ACSL6: variants seen among roughly 807,000 people sequenced by gnomAD.
ACSL6 encodes long-chain-fatty-acid--CoA ligase 6.
Under a neutral mutation model 98.2 loss-of-function variants are expected in ACSL6, and 47 were observed. The observed-to-expected ratio is 0.48, with a 90% CI of 0.38 to 0.61. ACSL6 has a LOEUF of 0.61. Among genes scored for constraint, ACSL6 ranks in the 20% least tolerant of loss-of-function variants. ACSL6 has a pLI of 0.00. For synonymous variants in ACSL6, 362 were observed against 336.9 expected (o/e 1.07, Z -0.82); for missense variants, 761 against 913.4 (o/e 0.83, Z 2.15).
At chr5:131,958,608 C>A (rs1752541863) in intron 20 of ACSL6, among the ~76,000 whole-genome samples, 1 of 151,820 alleles carries the variant, frequency 6.6e-6, no homozygotes, top group Non-Finnish European at 1.5e-5. Flanking sequence ...ATTTTTAGAC[C>A]CTGAAACTAT....
At chr5:131,969,239 A>T (rs1270037113) in intron 15 of ACSL6, among the ~76,000 whole-genome samples, 1 of 152,260 alleles carries the variant, frequency 6.6e-6, no homozygotes, top group African/African-American at 2.4e-5. Context: ...GTTTAATGCA[A>T]TATTATTTTC....
In ACSL6 at chr5:131,960,719, A is replaced by G. The variant is rs574382402; in HGVS notation, c.1858-98T>C. ...AAATTCTCAGACTCCACCTTTTTCAAAAACTAAGTATATGTTTATAAAACA... is the reference window on the plus strand; with the variant it reads ...AAATTCTCAGACTCCACCTTTTTCAGAAACTAAGTATATGTTTATAAAACA... On this transcript the variant is annotated intron_variant, in intron 18 of 20. Coordinates refer to ENST00000651883, the MANE Select transcript of ACSL6 (RefSeq NM_001009185.3). The G allele has an allele frequency of 1.6e-4, 130 of 801,756 alleles. 1 individual carries two copies. The South Asian group carries it at 2.3e-3, about 14-fold the overall frequency. The allele number at this position is 801,756 out of a possible 1,614,324, so 49.7% of individuals were successfully genotyped here.
intron 1 of ACSL6, chr5:131,999,482 A>C (rs1452206778): frequency 6.6e-6 from 1 of 152,244 alleles, no homozygotes; most frequent in Non-Finnish European, 1.5e-5. Flanking sequence ...CTCCCTTTAT[A>C]GGGCCTGTGG....
rs115820559 is a variant in ACSL6, at chr5:131,991,405, A to G, written c.271-438T>C. On this transcript the variant is annotated intron_variant, in intron 2 of 20. Coordinates refer to ENST00000651883, the MANE Select transcript of ACSL6 (RefSeq NM_001009185.3). Reference sequence around the variant, plus strand: ...TCATCTACTGCTATGCCCCTGAGTTAAGGATCAGTTGGGTGTGGTGTTAGC... The same window carrying G: ...TCATCTACTGCTATGCCCCTGAGTTGAGGATCAGTTGGGTGTGGTGTTAGC... Among the ~76,000 whole-genome samples the G allele has an allele frequency of 5.1e-3, 776 of 152,302 alleles. 8 individuals carry two copies. The highest frequency in any genetic ancestry group is 0.016 in the African/African-American group (662 of 41,556).
At chr5:131,955,496 G>A (rs1752356303) in intron 20 of ACSL6, among the ~76,000 whole-genome samples, 1 of 152,150 alleles carries the variant, frequency 6.6e-6, no homozygotes, top group African/African-American at 2.4e-5. Context: ...TTAAACCATA[G>A]TGCACTGAGA....
chr5:131,986,207 A>AGTGATGG (rs1218132225), intron 8 of ACSL6, among the ~76,000 whole-genome samples: 1 of 152,182 alleles, frequency 6.6e-6, no homozygotes, highest in Non-Finnish European at 1.5e-5. Context: ...ATGGGCAAAC[A>AGTGATGG]CCAGGAGCTA....
intron 1 of ACSL6, among the ~76,000 whole-genome samples, chr5:132,004,495 C>T (rs996259350): frequency 2.0e-5 from 3 of 152,164 alleles, no homozygotes; most frequent in African/African-American, 7.2e-5. Flanking sequence ...TCCTGAAATC[C>T]AAGGGAGATA....
At position 131,954,379 on chromosome 5, in the gene ACSL6, C is replaced by A. The variant is rs774905932; in HGVS notation, c.2032-8G>T. 1 of 1,608,076 alleles carries A rather than the reference C, an allele frequency of 6.2e-7. No individual in the cohort carries two copies. The highest frequency in any genetic ancestry group is 1.3e-5 in the African/African-American group (1 of 74,392). On this transcript the variant is annotated splice_region_variant and splice_polypyrimidine_tract_variant and intron_variant, in intron 20 of 20. Transcript: ENST00000651883. Reference sequence around the variant, plus strand: ...GATGTGAATGGCTTTAACCTAAAAACCAAATGCAGAAAACATCTTTAACAG... The same window carrying A: ...GATGTGAATGGCTTTAACCTAAAAAACAAATGCAGAAAACATCTTTAACAG...
intron 1 of ACSL6, among the ~76,000 whole-genome samples, chr5:132,004,273 C>A (rs1435047590): frequency 7.3e-5 from 11 of 151,480 alleles, no homozygotes; most frequent in African/African-American, 2.7e-4. Flanking sequence ...TTCTCTGACA[C>A]CCCATGGTCA....
chr5:132,011,962 G>T (rs749888983), upstream of ACSL6: 4 of 1,533,572 alleles, frequency 2.6e-6, no homozygotes, highest in South Asian at 1.2e-5. The surrounding 1 kb of genome is among the most constrained non-coding windows in gnomAD (Gnocchi z 5.4). Flanking sequence ...GGCGACGAGC[G>T]CCAGAGCGTG....
chr5:131,975,434 C>T (rs889253029), intron 10 of ACSL6: 1 of 985,320 alleles, frequency 1.0e-6, no homozygotes, highest in Non-Finnish European at 1.2e-6. Flanking sequence ...CCCTGGGCTA[C>T]CCGGGCAGGG....
At chr5:132,012,152 C>T (rs1755772576), upstream of ACSL6, 8 of 497,102 alleles carry the variant, frequency 1.6e-5, no homozygotes, top group Non-Finnish European at 2.4e-5. Context: ...CCCTAGGACC[C>T]GAGTTTGCAG....
intron 1 of ACSL6, chr5:132,003,646 A>G (rs889605293): frequency 2.0e-5 from 3 of 152,280 alleles, no homozygotes; most frequent in African/African-American, 7.2e-5. Context: ...TTTCAGACCA[A>G]AGCAAAACGA....
chr5:131,987,266 A>C (rs531109365), intron 7 of ACSL6, among the ~76,000 whole-genome samples: 11 of 152,176 alleles, frequency 7.2e-5, no homozygotes, highest in Non-Finnish European at 1.5e-4. Context: ...TGGCAATCCG[A>C]GTGTGAGCAT....
At position 131,974,988 on chromosome 5, in the gene ACSL6, G is replaced by A. The variant is rs750925730; in HGVS notation, c.991-18C>T. On this transcript the variant is annotated intron_variant, in intron 10 of 20. Coordinates refer to ENST00000651883, the MANE Select transcript of ACSL6 (RefSeq NM_001009185.3). Reference sequence around the variant, plus strand: ...ATCACTTTCTGCAGGCGACGGGCATGGGAGACAGAAAGGAAAGAAACACTG... The same window carrying A: ...ATCACTTTCTGCAGGCGACGGGCATAGGAGACAGAAAGGAAAGAAACACTG... The A allele has an allele frequency of 6.2e-7, 1 of 1,612,060 alleles. No individual in the cohort carries two copies. The highest frequency in any genetic ancestry group is 2.2e-5 in the East Asian group (1 of 44,794).
upstream of ACSL6, chr5:132,011,776 C>A (rs1755752317): frequency 7.3e-6 from 10 of 1,361,270 alleles, no homozygotes; most frequent in Non-Finnish European, 9.5e-6. The surrounding 1 kb of genome is among the most constrained non-coding windows in gnomAD (Gnocchi z 5.4). Flanking sequence ...TTACTCCCTG[C>A]CCTGCAGCCT....
intron 1 of ACSL6, among the ~76,000 whole-genome samples, chr5:132,008,615 A>C (rs888037811): frequency 6.6e-6 from 1 of 152,048 alleles, no homozygotes; most frequent in Non-Finnish European, 1.5e-5. Context: ...TCCAAATAAA[A>C]CCTTCTCCAG....
chr5:131,998,663 C>A (rs1222628291), intron 1 of ACSL6, among the ~76,000 whole-genome samples: 1 of 152,166 alleles, frequency 6.6e-6, no homozygotes, highest in Non-Finnish European at 1.5e-5. Flanking sequence ...GATACCCGAC[C>A]ACTCCTCTCT....
At chr5:131,993,939 G>A (rs902368548) in intron 2 of ACSL6, 92 bp downstream of exon 2, 56 of 1,345,942 alleles carry the variant, frequency 4.2e-5, no homozygotes, top group Middle Eastern at 2.6e-4. Context: ...GGCCATGTGA[G>A]GTCAAATAAG....
Sources: allele counts gnomAD v4.1 joint callset (sites outside exome capture counted in the v4.1 genomes callset), GRCh38; gene constraint gnomAD v4.1.1; non-coding constraint Gnocchi (gnomAD v3.1); transcripts MANE v1.5; gene names NCBI Gene and HGNC (gene_info 2026-07-23, HGNC 2026-07-21).